The following TMCC1 variants were observed in gnomAD, a reference collection of about 807,000 sequenced individuals.
The protein encoded by TMCC1 is transmembrane and coiled-coil domain family 1, also known as transmembrane and coiled-coil domains protein 1.
TMCC1 carries 15 observed loss-of-function variants against 52.4 expected under a neutral mutation model. The observed-to-expected ratio is 0.29, with a 90% CI of 0.19 to 0.44. The LOEUF is 0.44. TMCC1 is among the 20% of genes least tolerant of loss of function. The pLI is 1.00. For synonymous variants in TMCC1, 279 were observed against 301.9 expected (o/e 0.92, Z 0.79); for missense variants, 503 against 806.0 (o/e 0.62, Z 4.55).
chr3:129,757,452 C>T (rs755253089), intron 4 of TMCC1, among the ~76,000 whole-genome samples: 79 of 152,176 alleles, frequency 5.2e-4, no homozygotes, highest in Non-Finnish European at 2.2e-4. Flanking sequence ...TAACCCTTCC[C>T]TGCCAACCAG....
At chr3:129,798,524 CAAAAAAA>C (rs796919072) in intron 4 of TMCC1, among the ~76,000 whole-genome samples, 6 of 67,900 alleles carry the variant, frequency 8.8e-5, no homozygotes, top group Non-Finnish European at 1.6e-4. Flanking sequence ...TCTTCCTATC[CAAAAAAA>C]AAAAAAAAAA....
rs562540132 is a variant in TMCC1, at chr3:129,726,309, A to G, written c.577-55045T>C. ...GGGACATTTAGGGATACAAAAATGAATAAGATGAACAGGTTCTTGCCCTCT... is the reference window on the plus strand; with the variant it reads ...GGGACATTTAGGGATACAAAAATGAGTAAGATGAACAGGTTCTTGCCCTCT... On this transcript the variant is annotated intron_variant, in intron 4 of 6. Transcript: ENST00000393238. Among the ~76,000 whole-genome samples, 31 of 152,320 alleles carry G rather than the reference A, an allele frequency of 2.0e-4. No individual in the cohort carries two copies. The South Asian group carries it at 4.4e-3, about 21-fold the overall frequency.
intron 4 of TMCC1, among the ~76,000 whole-genome samples, chr3:129,819,451 T>C (rs1279870535): frequency 1.3e-5 from 2 of 152,226 alleles, no homozygotes; most frequent in Non-Finnish European, 1.5e-5. Flanking sequence ...AGTCTCAAAA[T>C]GACTAAACAT....
intron 4 of TMCC1, among the ~76,000 whole-genome samples, chr3:129,824,969 A>G (rs1257083525): frequency 6.6e-6 from 1 of 152,240 alleles, no homozygotes; most frequent in East Asian, 1.9e-4. Context: ...ATTCAGCTCA[A>G]TATTTATAAG....
chr3:129,718,884 CTG>C (rs1284581144), intron 4 of TMCC1, among the ~76,000 whole-genome samples: 7 of 152,096 alleles, frequency 4.6e-5, no homozygotes, highest in Admixed American at 3.3e-4. Flanking sequence ...CAGCAATAGA[CTG>C]TTAGTTAAGC....
At chr3:129,869,232 C>T in intron 2 of TMCC1, 1 of 151,952 alleles carries the variant, frequency 6.6e-6, no homozygotes, top group East Asian at 1.9e-4. Context: ...GGAAAGATTC[C>T]CAGGTAGTGA....
Position 129,659,265 on chromosome 3 carries a change from AT to A in TMCC1, c.1512-4163del, listed in dbSNP as rs552128250. On this transcript the variant is annotated intron_variant, in intron 5 of 6. Transcript: ENST00000393238. Reference sequence around the variant, plus strand: ...CTGACATGCACCACCAAGCCTGGCTATTTTTTTTTTTCAGAGACAGGGTCTC... The same window carrying A: ...CTGACATGCACCACCAAGCCTGGCTATTTTTTTTTTCAGAGACAGGGTCTC... 1.6e-3 allele frequency among the ~76,000 whole-genome samples: 230 copies of A among 142,144 alleles called. 2 individuals carry two copies. In the South Asian group the frequency reaches 0.022, roughly 14 times the overall value. The allele number at this position is 142,144 out of a possible 152,430, so 93.3% of individuals were successfully genotyped here.
chr3:129,863,897 A>G (rs1171804317), intron 2 of TMCC1, among the ~76,000 whole-genome samples: 1 of 152,052 alleles, frequency 6.6e-6, no homozygotes, highest in East Asian at 1.9e-4. Context: ...AAAAAAAGTA[A>G]GAACCAAATC....
At chr3:129,881,397 G>C (rs1366270166) in intron 1 of TMCC1, among the ~76,000 whole-genome samples, 1 of 152,134 alleles carries the variant, frequency 6.6e-6, no homozygotes, top group Non-Finnish European at 1.5e-5. Flanking sequence ...ATATTTGTCT[G>C]CAGTCTGCCA....
At chr3:129,691,048 GCTGA>G (rs1161342248) in intron 4 of TMCC1, among the ~76,000 whole-genome samples, 5 of 152,254 alleles carry the variant, frequency 3.3e-5, no homozygotes, top group Admixed American at 3.3e-4. Flanking sequence ...TTCTTCTCTT[GCTGA>G]CTTTTTGTTT....
At chr3:129,748,291 TTTGTTG>T (rs527508552) in intron 4 of TMCC1, among the ~76,000 whole-genome samples, 1 of 152,070 alleles carries the variant, frequency 6.6e-6, no homozygotes, top group Non-Finnish European at 1.5e-5. Flanking sequence ...GATTTGGGTT[TTTGTTG>T]TTGTTGTTGT....
At chr3:129,675,130 G>A (rs925248085) in intron 4 of TMCC1, among the ~76,000 whole-genome samples, 5 of 152,210 alleles carry the variant, frequency 3.3e-5, no homozygotes, top group African/African-American at 1.2e-4. Context: ...CACTGTGCCC[G>A]GCCATAAAAT....
intron 4 of TMCC1, among the ~76,000 whole-genome samples, chr3:129,705,541 A>G (rs543835472): frequency 1.0e-3 from 153 of 152,210 alleles, no homozygotes; most frequent in African/African-American, 3.4e-3. Flanking sequence ...TTTATTTATC[A>G]GAATTTGACA....
At chr3:129,767,748 C>T (rs1235616742) in intron 4 of TMCC1, among the ~76,000 whole-genome samples, 1 of 152,106 alleles carries the variant, frequency 6.6e-6, no homozygotes, top group African/African-American at 2.4e-5. Context: ...TGTAATTTTA[C>T]AATATGTGAC....
chr3:129,709,947 G>A (rs2048544534), intron 4 of TMCC1, among the ~76,000 whole-genome samples: 1 of 152,206 alleles, frequency 6.6e-6, no homozygotes, highest in South Asian at 2.1e-4. Context: ...AGCACTTTGG[G>A]GGGCTGAGGC....
intron 4 of TMCC1, among the ~76,000 whole-genome samples, chr3:129,754,988 G>C (rs1358559289): frequency 6.6e-6 from 1 of 152,102 alleles, no homozygotes; most frequent in African/African-American, 2.4e-5. Flanking sequence ...TGAGGCAGGA[G>C]AATCACTTGA....
intron 4 of TMCC1, among the ~76,000 whole-genome samples, chr3:129,771,985 T>C (rs1007520435): frequency 2.0e-5 from 3 of 152,092 alleles, no homozygotes; most frequent in Non-Finnish European, 4.4e-5. Flanking sequence ...ACATTTTAAT[T>C]ACAAAATAGA....
chr3:129,801,885 A>G (rs1398833620), intron 4 of TMCC1, among the ~76,000 whole-genome samples: 2 of 152,206 alleles, frequency 1.3e-5, no homozygotes, highest in African/African-American at 4.8e-5. Context: ...CAGTTTCTGG[A>G]CAATTGATCA....
intron 5 of TMCC1, among the ~76,000 whole-genome samples, chr3:129,665,229 A>T (rs901394583): frequency 2.0e-5 from 3 of 152,210 alleles, no homozygotes; most frequent in African/African-American, 7.2e-5. Flanking sequence ...GGCTAAGTGC[A>T]TGTGGGCAAT....
Sources: gnomAD v4.1 joint callset for allele counts (sites outside exome capture counted in the v4.1 genomes callset) on GRCh38, gnomAD v4.1.1 for gene constraint, MANE v1.5 for transcripts, NCBI Gene and HGNC (gene_info 2026-07-23, HGNC 2026-07-21) for gene names.